Variants in RGS7 observed in about 807,000 individuals in gnomAD.
RGS7 encodes regulator of G protein signaling 7.
Under a neutral mutation model 81.1 loss-of-function variants are expected in RGS7, and 27 were observed. The observed-to-expected ratio is 0.33, with a 90% CI of 0.25 to 0.46. The LOEUF is 0.46. Ranked by LOEUF, RGS7 falls within the 20% of genes least tolerant of loss-of-function variation. The probability of loss-of-function intolerance (pLI) is 1.00; values close to 1 mark genes in which losing one functional copy is unlikely to be tolerated. For synonymous variants in RGS7, 208 were observed against 207.7 expected (o/e 1.00, Z -0.01); for missense variants, 396 against 607.4 (o/e 0.65, Z 3.66).
At chr1:240,991,947 T>C (rs1048947433) in intron 3 of RGS7, among the ~76,000 whole-genome samples, 2 of 152,316 alleles carry the variant, frequency 1.3e-5, no homozygotes, top group Middle Eastern at 3.4e-3. Context: ...ACATAGGAGA[T>C]AAAGAAAATG....
chr1:240,823,203 G>T, intron 10 of RGS7: 1 of 868,168 alleles, frequency 1.2e-6, no homozygotes, highest in Non-Finnish European at 1.9e-6. Context: ...GCGTGTCCAT[G>T]GACTTCTTCG....
At chr1:240,850,010 G>A (rs1659820257) in intron 9 of RGS7, among the ~76,000 whole-genome samples, 1 of 152,160 alleles carries the variant, frequency 6.6e-6, no homozygotes, top group Non-Finnish European at 1.5e-5. Flanking sequence ...TGGGTCCTGG[G>A]ACCAGAACAC....
chr1:240,848,496 T>C (rs926377545), intron 9 of RGS7, among the ~76,000 whole-genome samples: 1 of 152,068 alleles, frequency 6.6e-6, no homozygotes, highest in Non-Finnish European at 1.5e-5. Context: ...CAAAAAATAA[T>C]AAGACCATTT....
At chr1:240,796,589 G>A (rs1196951747) in intron 18 of RGS7, among the ~76,000 whole-genome samples, 1 of 152,200 alleles carries the variant, frequency 6.6e-6, no homozygotes, top group Non-Finnish European at 1.5e-5. Context: ...AGGAGGTTGA[G>A]GCAGGAGAAT....
chr1:240,838,452 C>CATA (rs1695058601), intron 9 of RGS7, among the ~76,000 whole-genome samples: 1 of 152,238 alleles, frequency 6.6e-6, no homozygotes, highest in African/African-American at 2.4e-5. Context: ...AGAGAAAGGC[C>CATA]ATAACACATA....
intron 2 of RGS7, among the ~76,000 whole-genome samples, chr1:241,314,033 G>T (rs1389071076): frequency 6.6e-6 from 1 of 152,118 alleles, no homozygotes; most frequent in Non-Finnish European, 1.5e-5. Flanking sequence ...AAAAAAAAGT[G>T]GTTTTTTGAG....
At chr1:241,013,326 G>C (rs906907845) in intron 3 of RGS7, among the ~76,000 whole-genome samples, 2 of 152,034 alleles carry the variant, frequency 1.3e-5, no homozygotes, top group African/African-American at 4.8e-5. Context: ...GCCTCCCAAA[G>C]TGCTGGGATT....
intron 2 of RGS7, among the ~76,000 whole-genome samples, chr1:241,209,243 CTA>C (rs940848643): frequency 4.1e-4 from 63 of 152,242 alleles, no homozygotes; most frequent in African/African-American, 1.5e-3. Flanking sequence ...ACACACTTAT[CTA>C]TGTGTGATAA....
intron 3 of RGS7, among the ~76,000 whole-genome samples, chr1:241,036,608 A>G (rs2060341148): frequency 6.6e-6 from 1 of 152,242 alleles, no homozygotes; most frequent in Admixed American, 6.5e-5. Context: ...AGAAACCAGC[A>G]GAGTTTTTCT....
At chr1:241,115,654 G>A (rs59369202) in intron 2 of RGS7, among the ~76,000 whole-genome samples, 6,849 of 152,166 alleles carry the variant, frequency 0.045, 266 homozygotes, top group East Asian at 0.19. Flanking sequence ...TTTGGGATCC[G>A]TTTCCCTTGG....
intron 2 of RGS7, among the ~76,000 whole-genome samples, chr1:241,168,110 C>T (rs1261018073): frequency 1.3e-5 from 2 of 152,184 alleles, no homozygotes; most frequent in East Asian, 3.9e-4. Flanking sequence ...GCACTAGCAA[C>T]CCATGAGAGG....
chr1:240,906,904 G>C (rs1005710623), intron 6 of RGS7, among the ~76,000 whole-genome samples: 1 of 152,196 alleles, frequency 6.6e-6, no homozygotes, highest in African/African-American at 2.4e-5. Flanking sequence ...GTATACCTAA[G>C]AGCCTGAGAA....
At chr1:241,175,421 T>C (rs1044208752) in intron 2 of RGS7, among the ~76,000 whole-genome samples, 1 of 152,160 alleles carries the variant, frequency 6.6e-6, no homozygotes, top group Non-Finnish European at 1.5e-5. Context: ...CCAGCTTCCT[T>C]GGTCAAGGCT....
At chr1:241,076,405 T>C (rs2062802820) in intron 3 of RGS7, among the ~76,000 whole-genome samples, 1 of 152,194 alleles carries the variant, frequency 6.6e-6, no homozygotes, top group Non-Finnish European at 1.5e-5. Flanking sequence ...GAAAGTTTGC[T>C]CTCACATTTG....
chr1:241,010,996 T>C (rs575214054), intron 3 of RGS7, among the ~76,000 whole-genome samples: 10 of 152,278 alleles, frequency 6.6e-5, no homozygotes, highest in African/African-American at 2.2e-4. Flanking sequence ...ACAGATTTTT[T>C]TGGACCTCTA....
rs757941929 is a variant in RGS7 at position 240,813,707 on chromosome 1, C to T, written c.867G>A (p.Gln289=). 1 of 1,612,488 alleles carries T rather than the reference C, an allele frequency of 6.2e-7. No homozygotes were observed. The highest frequency in any genetic ancestry group is 2.2e-5 in the East Asian group (1 of 44,868). The change falls in exon 13 of 19, where the codon CAG becomes CAA. Residue 289 remains glutamine, a synonymous_variant. Coordinates refer to ENST00000440928, the MANE Select transcript of RGS7 (RefSeq NM_001364886.1). ...AAAGAAACGGGTCGTATTCTAAATA[C>T]TGTTCCGTGTAACTTAGTAGACTAA... ...VADSLLSYTE[Q]YLEYDPFLLP...
chr1:241,249,843 A>G (rs1261579418), intron 2 of RGS7, among the ~76,000 whole-genome samples: 1 of 152,210 alleles, frequency 6.6e-6, no homozygotes, highest in Non-Finnish European at 1.5e-5. Flanking sequence ...ACTTGAGAAG[A>G]TAGAAAAATG....
chr1:240,833,334 C>T (rs1395964395), intron 9 of RGS7, among the ~76,000 whole-genome samples: 2 of 152,074 alleles, frequency 1.3e-5, no homozygotes, highest in Non-Finnish European at 2.9e-5. Flanking sequence ...CAGAATGGCA[C>T]GAAATTACAA....
intron 9 of RGS7, among the ~76,000 whole-genome samples, chr1:240,853,825 C>T (rs1166536936): frequency 2.4e-5 from 3 of 125,538 alleles, no homozygotes; most frequent in Non-Finnish European, 3.2e-5. Context: ...GGCGTGAACC[C>T]GGGAGGCGGA....
Sources: gnomAD v4.1 joint callset for allele counts (sites outside exome capture counted in the v4.1 genomes callset) on GRCh38, gnomAD v4.1.1 for gene constraint, MANE v1.5 for transcripts, NCBI Gene and HGNC (gene_info 2026-07-23, HGNC 2026-07-21) for gene names.